CCSER1: variants seen among roughly 807,000 people sequenced by gnomAD.
The protein encoded by CCSER1 is serine-rich coiled-coil domain-containing protein 1.
In CCSER1, 41 loss-of-function variants were observed where a neutral mutation model predicts 82.0. The ratio of observed to expected loss-of-function variants is 0.50; its 90% CI spans 0.39 to 0.65. The LOEUF is 0.65. Ranked by LOEUF, CCSER1 falls within the 30% of genes least tolerant of loss-of-function variation. The pLI is 0.00. For synonymous variants in CCSER1, 414 were observed against 383.9 expected (o/e 1.08, Z -0.92); for missense variants, 1,119 against 1,064.2 (o/e 1.05, Z -0.72).
At chr4:91,004,832 A>G (rs1738360206) in intron 9 of CCSER1, among the ~76,000 whole-genome samples, 1 of 152,144 alleles carries the variant, frequency 6.6e-6, no homozygotes, top group Non-Finnish European at 1.5e-5. Flanking sequence ...TGGGTAATTT[A>G]TTTATCTAGT....
At chr4:90,377,417 A>G (rs1841624) in intron 3 of CCSER1, among the ~76,000 whole-genome samples, 6,032 of 152,246 alleles carry the variant, frequency 0.04, 222 homozygotes, top group East Asian at 0.18. Flanking sequence ...TCAATACTGT[A>G]TAACACCAGT....
At position 91,595,844 on chromosome 4, in the gene CCSER1, A is replaced by G. The variant is rs113368790; in HGVS notation, c.2218-2728A>G. Among the ~76,000 whole-genome samples, 6 of 150,928 alleles carry G rather than the reference A, an allele frequency of 4.0e-5. No individual in the cohort carries two copies. The Admixed American group carries it at 4.0e-4, about 10-fold the overall frequency. ...ATTTATCACAAGAATAAATGAATTCATATATATCTGACCCTACCCATATGA... is the reference window on the plus strand; with the variant it reads ...ATTTATCACAAGAATAAATGAATTCGTATATATCTGACCCTACCCATATGA... On this transcript the variant is annotated intron_variant, in intron 10 of 10. Coordinates refer to ENST00000509176, the MANE Select transcript of CCSER1 (RefSeq NM_001145065.2).
At chr4:91,514,373 G>A (rs929372642) in intron 10 of CCSER1, among the ~76,000 whole-genome samples, 2 of 152,094 alleles carry the variant, frequency 1.3e-5, no homozygotes, top group African/African-American at 4.8e-5. Flanking sequence ...CTATGGTTAT[G>A]TATGTGGTTG....
intron 8 of CCSER1, among the ~76,000 whole-genome samples, chr4:90,839,340 T>G (rs1485461709): frequency 6.6e-6 from 1 of 152,228 alleles, no homozygotes; most frequent in Non-Finnish European, 1.5e-5. Context: ...GCAGAGCATG[T>G]TTCAGTAAAC....
intron 5 of CCSER1, among the ~76,000 whole-genome samples, chr4:90,524,628 C>A (rs1456419107): frequency 6.6e-6 from 1 of 152,012 alleles, no homozygotes; most frequent in East Asian, 1.9e-4. Flanking sequence ...GCCACTACAC[C>A]CAGCTAATTT....
chr4:91,489,532 C>T (rs957909125), intron 10 of CCSER1, among the ~76,000 whole-genome samples: 14 of 152,078 alleles, frequency 9.2e-5, no homozygotes, highest in Admixed American at 7.2e-4. Context: ...AGGCCGGGCA[C>T]GGTGGCTCAT....
intron 3 of CCSER1, among the ~76,000 whole-genome samples, chr4:90,337,154 C>A (rs1379023313): frequency 2.0e-5 from 3 of 152,168 alleles, no homozygotes; most frequent in Non-Finnish European, 4.4e-5. Flanking sequence ...ATGAAGAAAG[C>A]AGAATTGCAC....
intron 10 of CCSER1, among the ~76,000 whole-genome samples, chr4:91,346,781 T>G (rs578151740): frequency 6.6e-6 from 1 of 152,302 alleles, no homozygotes; most frequent in South Asian, 2.1e-4. Flanking sequence ...TGTATATCTG[T>G]TTTAGTGAGG....
intron 10 of CCSER1, among the ~76,000 whole-genome samples, chr4:91,515,156 T>C (rs1760035816): frequency 6.6e-6 from 1 of 152,198 alleles, no homozygotes; most frequent in South Asian, 2.1e-4. Flanking sequence ...TCTTTGAATC[T>C]AAGGGGGATT....
chr4:90,897,238 G>A (rs893079316), intron 8 of CCSER1, among the ~76,000 whole-genome samples: 3 of 151,902 alleles, frequency 2.0e-5, no homozygotes, highest in African/African-American at 7.2e-5. Context: ...CACCCAAATA[G>A]TGAAGAGAGT....
intron 7 of CCSER1, among the ~76,000 whole-genome samples, chr4:90,762,458 CT>C (rs1750553405): frequency 1.3e-5 from 2 of 152,126 alleles, no homozygotes; most frequent in Admixed American, 6.5e-5. Flanking sequence ...ATATGTGTTA[CT>C]TGTTGGTTCT....
At chr4:90,310,932 C>A (rs1217076117) in intron 2 of CCSER1, among the ~76,000 whole-genome samples, 1 of 151,924 alleles carries the variant, frequency 6.6e-6, no homozygotes, top group Non-Finnish European at 1.5e-5. Flanking sequence ...CCATGTTTGT[C>A]CATTTTTGGA....
chr4:90,489,537 A>T (rs1226959978), intron 5 of CCSER1, among the ~76,000 whole-genome samples: 2 of 152,118 alleles, frequency 1.3e-5, no homozygotes, highest in East Asian at 3.9e-4. Flanking sequence ...TTTATTTATT[A>T]TACTTCAAGT....
At position 91,132,362 on chromosome 4, in the gene CCSER1, C is replaced by T. The variant is rs181774768; in HGVS notation, c.2217+46368C>T. Among the ~76,000 whole-genome samples the T allele has an allele frequency of 1.2e-4, 18 of 152,172 alleles. No individual in the cohort carries two copies. In the East Asian group the frequency reaches 1.7e-3, roughly 15 times the overall value. ...TACAAAAGGTCACAGAGGGCATTAA[C>T]GTAAACACATGAAAAAATGCAGCAC... On this transcript the variant is annotated intron_variant, in intron 10 of 10. Transcript: ENST00000509176.
At chr4:91,520,135 T>C (rs1760373939) in intron 10 of CCSER1, among the ~76,000 whole-genome samples, 1 of 152,192 alleles carries the variant, frequency 6.6e-6, no homozygotes, top group African/African-American at 2.4e-5. Context: ...ACATATTGTC[T>C]GGTGCACTGT....
At chr4:91,282,978 TA>T (rs1743030035) in intron 10 of CCSER1, among the ~76,000 whole-genome samples, 1 of 152,026 alleles carries the variant, frequency 6.6e-6, no homozygotes, top group African/African-American at 2.4e-5. Flanking sequence ...CTTTACAGAG[TA>T]AATGTTCAAT....
chr4:90,767,140 C>T (rs572227991), intron 7 of CCSER1, among the ~76,000 whole-genome samples: 58 of 152,166 alleles, frequency 3.8e-4, no homozygotes, highest in Non-Finnish European at 6.9e-4. Context: ...CAAAGCCTTC[C>T]GGCTTGATTC....
At chr4:91,187,543 TG>T (rs1216810323) in intron 10 of CCSER1, among the ~76,000 whole-genome samples, 4 of 73,026 alleles carry the variant, frequency 5.5e-5, no homozygotes, top group Admixed American at 1.2e-4. Context: ...TCAATAAATT[TG>T]TTTTTTTTTT....
chr4:90,571,641 G>T (rs1418479056), intron 5 of CCSER1, among the ~76,000 whole-genome samples: 1 of 152,090 alleles, frequency 6.6e-6, no homozygotes, highest in Non-Finnish European at 1.5e-5. Flanking sequence ...TAACTTTTGG[G>T]TCCTATTTTC....
Sources: gnomAD v4.1 joint callset for allele counts (sites outside exome capture counted in the v4.1 genomes callset) on GRCh38, gnomAD v4.1.1 for gene constraint, MANE v1.5 for transcripts, NCBI Gene and HGNC (gene_info 2026-07-23, HGNC 2026-07-21) for gene names.